Variants in SPOCK1 observed in about 807,000 individuals in gnomAD.
The protein encoded by SPOCK1 is SPARC (osteonectin), cwcv and kazal like domains proteoglycan 1.
SPOCK1 carries 23 observed loss-of-function variants against 55.3 expected under a neutral mutation model. That is an observed-to-expected ratio of 0.42 (90% confidence interval 0.30 to 0.59). SPOCK1 has a LOEUF of 0.59. Among genes scored for constraint, SPOCK1 ranks in the 20% least tolerant of loss-of-function variants. The pLI, the probability that SPOCK1 is intolerant of heterozygous loss-of-function variation, is 0.22. For synonymous variants in SPOCK1, 226 were observed against 221.0 expected (o/e 1.02, Z -0.20); for missense variants, 499 against 552.5 (o/e 0.90, Z 0.97).
intron 3 of SPOCK1, among the ~76,000 whole-genome samples, chr5:137,239,658 G>C (rs769928349): frequency 2.6e-5 from 4 of 152,052 alleles, no homozygotes; most frequent in Non-Finnish European, 5.9e-5. Context: ...AGAATCAAAG[G>C]ATTGCTTGGT....
chr5:137,263,892 C>T (rs1756798481), intron 3 of SPOCK1, among the ~76,000 whole-genome samples: 1 of 152,084 alleles, frequency 6.6e-6, no homozygotes, highest in Non-Finnish European at 1.5e-5. Flanking sequence ...TTGGAGAGCA[C>T]CAGGTGAGAT....
At chr5:137,199,948 T>A (rs994398585) in intron 3 of SPOCK1, among the ~76,000 whole-genome samples, 2 of 152,058 alleles carry the variant, frequency 1.3e-5, no homozygotes, top group Non-Finnish European at 2.9e-5. Context: ...AGCAGCAAAC[T>A]CACCAAAACA....
rs997277437 is a variant in SPOCK1 at position 137,459,415 on chromosome 5, C to T, written c.186+38958G>A. ...GAGGTGGTTCCAAGAGCAGAATGTC[C>T]TTGCCTTCTACAAACAGAGAGAGGC... On this transcript the variant is annotated intron_variant, in intron 2 of 10. Coordinates refer to ENST00000394945, the MANE Select transcript of SPOCK1 (RefSeq NM_004598.4). Among the ~76,000 whole-genome samples the T allele has an allele frequency of 2.7e-5, 4 of 150,644 alleles. No individual in the cohort carries two copies. In the South Asian group the frequency reaches 8.4e-4, roughly 32 times the overall value.
At chr5:137,314,173 C>G (rs1382250541) in intron 2 of SPOCK1, among the ~76,000 whole-genome samples, 1 of 152,062 alleles carries the variant, frequency 6.6e-6, no homozygotes, top group Non-Finnish European at 1.5e-5. Flanking sequence ...TGAGGACAAG[C>G]AGTGCCCATC....
chr5:137,174,541 C>T (rs2127060438), intron 3 of SPOCK1, among the ~76,000 whole-genome samples: 1 of 152,368 alleles, frequency 6.6e-6, no homozygotes, highest in South Asian at 2.1e-4. Flanking sequence ...GCGGTCCTGA[C>T]ACATGAGCAG....
In SPOCK1 at chr5:137,198,756, AT is replaced by A. The variant is rs371822801; in HGVS notation, c.233-58063del. Among the ~76,000 whole-genome samples, 1,022 of 152,194 alleles carry A rather than the reference AT, an allele frequency of 6.7e-3. 4 individuals carry two copies. Among genetic ancestry groups the A allele is most frequent in the Admixed American group, 9.9e-3 (152 of 15,286 alleles). ...GTTGTTTGATTTTTGACAGGTTTTAATTTTAGTGTATCCAAACTTGTTTTAA... is the reference window on the plus strand; with the variant it reads ...GTTGTTTGATTTTTGACAGGTTTTAATTTAGTGTATCCAAACTTGTTTTAA... On this transcript the variant is annotated intron_variant, in intron 3 of 10. Coordinates refer to ENST00000394945, the MANE Select transcript of SPOCK1 (RefSeq NM_004598.4).
At chr5:137,451,492 C>T (rs1268287330) in intron 2 of SPOCK1, among the ~76,000 whole-genome samples, 1 of 152,174 alleles carries the variant, frequency 6.6e-6, no homozygotes, top group Non-Finnish European at 1.5e-5. Context: ...AGAAGAATTA[C>T]ATTAAGCATA....
At chr5:137,190,857 T>A (rs919845804) in intron 3 of SPOCK1, among the ~76,000 whole-genome samples, 1 of 152,190 alleles carries the variant, frequency 6.6e-6, no homozygotes, top group African/African-American at 2.4e-5. Context: ...GGAGCAGGGC[T>A]GCTGTCTAAT....
At chr5:136,983,894 T>C (rs1259830038) in intron 9 of SPOCK1, among the ~76,000 whole-genome samples, 1 of 152,154 alleles carries the variant, frequency 6.6e-6, no homozygotes, top group Non-Finnish European at 1.5e-5. Flanking sequence ...TCATGTGCAC[T>C]GGGGTAAATG....
intron 2 of SPOCK1, among the ~76,000 whole-genome samples, chr5:137,323,306 G>A (rs72796508): frequency 0.042 from 6,400 of 152,196 alleles, 193 homozygotes; most frequent in Non-Finnish European, 0.062. Context: ...ACACACACAG[G>A]ATGGAAGTGA....
intron 3 of SPOCK1, among the ~76,000 whole-genome samples, chr5:137,190,001 G>A (rs1755147871): frequency 8.9e-6 from 1 of 112,280 alleles, no homozygotes; most frequent in Non-Finnish European, 2.1e-5. Context: ...CTGAAGATGT[G>A]GCTGAATTAC....
At chr5:137,289,576 G>A (rs1001621154) in intron 2 of SPOCK1, among the ~76,000 whole-genome samples, 4 of 152,322 alleles carry the variant, frequency 2.6e-5, no homozygotes, top group African/African-American at 4.8e-5. Flanking sequence ...GTTGGTTGAA[G>A]CTAGAACAAA....
intron 2 of SPOCK1, among the ~76,000 whole-genome samples, chr5:137,407,757 A>T (rs1224784566): frequency 6.6e-6 from 1 of 152,170 alleles, no homozygotes; most frequent in Admixed American, 6.5e-5. Context: ...GCTCTGTAAG[A>T]AAACACAAGC....
In SPOCK1 at chr5:137,477,029, G is replaced by A. The variant is rs114110424; in HGVS notation, c.186+21344C>T. Among the ~76,000 whole-genome samples the A allele has an allele frequency of 5.3e-3, 800 of 152,238 alleles. 6 individuals are homozygous for A. The highest frequency in any genetic ancestry group is 0.018 in the African/African-American group (738 of 41,536). On this transcript the variant is annotated intron_variant, in intron 2 of 10. Coordinates refer to ENST00000394945, the MANE Select transcript of SPOCK1 (RefSeq NM_004598.4). ...AAAGATGAACAAAGATTTAATCACC[G>A]AAAATGTTCATCACAACATTGTTAT... is the stretch of plus-strand genomic sequence containing the variant.
chr5:137,185,077 G>T (rs937647389), intron 3 of SPOCK1, among the ~76,000 whole-genome samples: 2 of 152,150 alleles, frequency 1.3e-5, no homozygotes, highest in Non-Finnish European at 2.9e-5. Flanking sequence ...CAGAGAGAAT[G>T]AATGAAATGA....
intron 4 of SPOCK1, among the ~76,000 whole-genome samples, chr5:137,122,300 G>A (rs930516609): frequency 6.6e-5 from 10 of 151,050 alleles, no homozygotes; most frequent in African/African-American, 2.4e-4. Flanking sequence ...CTCAGGCTCT[G>A]ACTAAAATTC....
At chr5:137,272,760 G>A (rs1055941766) in intron 2 of SPOCK1, among the ~76,000 whole-genome samples, 12 of 101,464 alleles carry the variant, frequency 1.2e-4, no homozygotes, top group African/African-American at 4.2e-4. Flanking sequence ...ACACACACAC[G>A]GGCCTAGGCC....
chr5:137,262,501 G>A (rs942708411), intron 3 of SPOCK1, among the ~76,000 whole-genome samples: 9 of 152,198 alleles, frequency 5.9e-5, no homozygotes, highest in Admixed American at 3.9e-4. Flanking sequence ...CCCCCCAGTA[G>A]GACCTTGGAT....
At chr5:137,132,021 A>ATATATATATATATATAT (rs1561621235) in intron 4 of SPOCK1, among the ~76,000 whole-genome samples, 6 of 68,500 alleles carry the variant, frequency 8.8e-5, no homozygotes, top group Non-Finnish European at 8.6e-5. Flanking sequence ...TATATATATA[A>ATATATATATATATATAT]AAAATTAGCT....
Sources: allele counts gnomAD v4.1 joint callset (sites outside exome capture counted in the v4.1 genomes callset), GRCh38; gene constraint gnomAD v4.1.1; transcripts MANE v1.5; gene names NCBI Gene and HGNC (gene_info 2026-07-23, HGNC 2026-07-21).